The following GPD1 variants were observed in gnomAD, a reference collection of about 807,000 sequenced individuals.
GPD1 encodes the protein glycerol-3-phosphate dehydrogenase 1.
Under a neutral mutation model 34.4 loss-of-function variants are expected in GPD1, and 19 were observed. The ratio of observed to expected loss-of-function variants is 0.55; its 90% CI spans 0.39 to 0.81. The LOEUF (loss-of-function observed/expected upper bound fraction) is 0.81. GPD1 is among the 30% of genes least tolerant of loss of function. GPD1 has a pLI of 0.00. For synonymous variants in GPD1, 172 were observed against 174.1 expected, an observed-to-expected ratio of 0.99 and a Z score of 0.09; for missense variants, 429 against 447.0, an observed-to-expected ratio of 0.96 and a Z score of 0.36.
In GPD1 at chr12:50,106,432, AG is replaced by A. The variant is rs751900824; in HGVS notation, c.499+7del. On this transcript the variant is annotated splice_region_variant and intron_variant, in intron 4 of 7. Transcript: ENST00000301149. ...GTTCTGTGAGACAACCATTGGTGAGAGCCCCCTGGCACCTGCATACACAGTG... is the reference window on the plus strand; with the variant it reads ...GTTCTGTGAGACAACCATTGGTGAGACCCCCTGGCACCTGCATACACAGTG... The A allele has an allele frequency of 8.7e-6, 14 of 1,613,018 alleles. No homozygotes were observed. In the Admixed American group the frequency reaches 2.2e-4, roughly 25 times the overall value.
In GPD1 at chr12:50,105,544, A is replaced by C; in HGVS notation, c.220-4A>C. 6.2e-7 allele frequency: 1 copy of C among 1,610,994 alleles called. No homozygotes were observed. The highest frequency in any genetic ancestry group is 8.5e-7 in the Non-Finnish European group (1 of 1,177,788). Reference sequence around the variant, plus strand: ...GGCCCGCGAGCACTTGGTCACCCCCACAGGTGGCTGTCCCAGATGTGGTCC... The same window carrying C: ...GGCCCGCGAGCACTTGGTCACCCCCCCAGGTGGCTGTCCCAGATGTGGTCC... On this transcript the variant is annotated splice_region_variant and splice_polypyrimidine_tract_variant and intron_variant, in intron 2 of 7. Coordinates refer to ENST00000301149, the MANE Select transcript of GPD1 (RefSeq NM_005276.4).
Position 50,107,778 on chromosome 12 carries a change from A to C in GPD1, c.824A>C (p.Glu275Ala). 1 of 1,613,518 alleles carries C rather than the reference A, an allele frequency of 6.2e-7. No homozygotes were observed. Among genetic ancestry groups the C allele is most frequent in the Non-Finnish European group, 8.5e-7 (1 of 1,179,460 alleles). Reference protein sequence around the residue: ...CYGGRNRKVAEAFARTGKSIE... With the variant: ...CYGGRNRKVAAAFARTGKSIE... ...GGAGGGCGGAACCGGAAAGTGGCTG[A>C]GGCCTTTGCGCGTACAGGAAAGGTG... The change falls in exon 6 of 8, where the codon GAG becomes GCG. Residue 275 changes from glutamate (E) to alanine (A), a missense_variant. Glu to Ala is a moderately radical substitution (Grantham distance 107, BLOSUM62 -1). Coordinates refer to ENST00000301149, the MANE Select transcript of GPD1 (RefSeq NM_005276.4).
At chr12:50,108,924 C>G (rs1455613864) in intron 7 of GPD1, among the ~76,000 whole-genome samples, 1 of 152,002 alleles carries the variant, frequency 6.6e-6, no homozygotes, top group Non-Finnish European at 1.5e-5. Flanking sequence ...ATCACGAGGT[C>G]AGGAGTTTGA....
chr12:50,108,162 G>A, intron 7 of GPD1, 32 bp downstream of exon 7: 1 of 1,245,658 alleles, frequency 8.0e-7, no homozygotes, highest in Non-Finnish European at 1.2e-6. Context: ...ACTGATTAAG[G>A]GAGCCACAGC....
rs990399264 is a variant in GPD1, at chr12:50,110,702, C to T, written c.*1183C>T. ...TCTCTTTGCTGAATGAGGGCCTTCTCGTGAGGTACTGACAACACCAGCAAC... is the reference window on the plus strand; with the variant it reads ...TCTCTTTGCTGAATGAGGGCCTTCTTGTGAGGTACTGACAACACCAGCAAC... On this transcript the variant is annotated 3_prime_UTR_variant, in exon 8 of 8. Transcript: ENST00000301149. 3.3e-5 allele frequency: 5 copies of T among 152,610 alleles called. No homozygotes were observed. The highest frequency in any genetic ancestry group is 4.8e-5 in the African/African-American group (2 of 41,450). The allele number at this position is 152,610 out of a possible 1,614,324, so 9.5% of individuals were successfully genotyped here.
At chr12:50,105,925 A>G (rs754827890) in intron 3 of GPD1, 1 of 689,522 alleles carries the variant, frequency 1.5e-6, no homozygotes, top group South Asian at 1.5e-5. Context: ...GGAGTTTCGG[A>G]GGTATAAAGG....
chr12:50,104,647 TG>T lies in GPD1; in HGVS notation c.118del (p.Val40TyrfsTer11). ...LAQFDPRVTM[W>X]VFEEDIGGKK... ...ACAGTTTGACCCACGGGTGACCATG[TG>T]GGTATTTGAGGAAGACATTGGAGGC... On this transcript the variant is annotated frameshift_variant, in exon 2 of 8. Coordinates refer to ENST00000301149, the MANE Select transcript of GPD1 (RefSeq NM_005276.4). LOFTEE classifies it high-confidence loss of function. 1.2e-6 allele frequency: 2 copies of T among 1,613,766 alleles called. No individual in the cohort carries two copies. The highest frequency in any genetic ancestry group is 1.7e-6 in the Non-Finnish European group (2 of 1,179,672).
At chr12:50,107,906 A>C in intron 6 of GPD1, 106 bp downstream of exon 6, 2 of 1,024,238 alleles carry the variant, frequency 2.0e-6, no homozygotes, top group South Asian at 2.6e-5. Flanking sequence ...ACTGTTGTGC[A>C]CATCCCCATC....
chr12:50,109,362 G>T, intron 7 of GPD1, 61 bp from the exon 8 acceptor site: 5 of 852,992 alleles, frequency 5.9e-6, no homozygotes, highest in Middle Eastern at 2.2e-4. Context: ...AGTGAGTGGG[G>T]GTGGGGGTAG....
Position 50,106,344 on chromosome 12 carries a change from C to A in GPD1, c.417C>A (p.Arg139=). The change falls in exon 4 of 8, where the codon CGC becomes CGA. Residue 139 remains arginine (R), a synonymous_variant. Transcript: ENST00000301149. ...LKLISEVIGE[R]LGIPMSVLMG... The stretch of plus-strand genomic sequence containing the variant: ...TCATCTCGGAAGTGATTGGGGAGCG[C>A]CTCGGCATCCCCATGAGTGTGCTGA... The A allele has an allele frequency of 6.2e-7, 1 of 1,613,534 alleles. No individual in the cohort carries two copies. Among genetic ancestry groups the A allele is most frequent in the Non-Finnish European group, 8.5e-7 (1 of 1,179,746 alleles).
chr12:50,104,384 T>C (rs1479627000), intron 1 of GPD1, 190 bp from the exon 2 acceptor site: 1 of 710,962 alleles, frequency 1.4e-6, no homozygotes, highest in African/African-American at 1.7e-5. Context: ...TAGCAAAGGG[T>C]GAGGAGACTG....
In GPD1 at chr12:50,104,061, A is replaced by T. The variant is rs748647193; in HGVS notation, c.11A>T (p.Lys4Met). The change falls in exon 1 of 8, where the codon AAG becomes ATG. Residue 4 changes from lysine (K) to methionine (M), a missense_variant. Physicochemically the swap from Lys to Met is moderately conservative, Grantham distance 95. Transcript: ENST00000301149. ...CAGAGACGCGGCACCATGGCTAGCAAGAAAGTCTGCATTGTAGGCTCCGGG... is the reference window on the plus strand; with the variant it reads ...CAGAGACGCGGCACCATGGCTAGCATGAAAGTCTGCATTGTAGGCTCCGGG... MASKKVCIVGSGNW... is the reference protein window; with the variant it reads MASMKVCIVGSGNW... The T allele has an allele frequency of 1.2e-6, 2 of 1,614,020 alleles. No individual in the cohort carries two copies. The highest frequency in any genetic ancestry group is 2.7e-5 in the African/African-American group (2 of 74,920).
At chr12:50,106,758 T>C in intron 4 of GPD1, 47 bp from the exon 5 acceptor site, 1 of 1,093,388 alleles carries the variant, frequency 9.1e-7, no homozygotes, top group Admixed American at 2.3e-5. Context: ...ATAAATATTT[T>C]TTAAAAAGAG....
At chr12:50,107,872 C>A (rs1950993712) in intron 6 of GPD1, 72 bp downstream of exon 6, 1 of 1,183,320 alleles carries the variant, frequency 8.5e-7, no homozygotes, top group Non-Finnish European at 1.3e-6. Flanking sequence ...TGGCGGGAGG[C>A]ATCTCTGGAG....
chr12:50,105,800 T>C, intron 3 of GPD1, 112 bp downstream of exon 3: 2 of 1,117,718 alleles, frequency 1.8e-6, no homozygotes, highest in Non-Finnish European at 1.3e-6. Context: ...AAGAGTTTGC[T>C]GGAGAAAAGA....
At chr12:50,107,164 C>G (rs371035841) in intron 5 of GPD1, 1 of 671,870 alleles carries the variant, frequency 1.5e-6, no homozygotes, top group Admixed American at 2.0e-5. Context: ...GTGGGACTCC[C>G]CACCCTCTGG....
At chr12:50,104,188 G>T in intron 1 of GPD1, 97 bp downstream of exon 1, 2 of 1,132,678 alleles carry the variant, frequency 1.8e-6, no homozygotes, top group Non-Finnish European at 2.7e-6. Flanking sequence ...TCAGGTTCCT[G>T]TTCAGCCCCT....
intron 2 of GPD1, chr12:50,105,235 CTCTT>C (rs1950969928): frequency 2.7e-6 from 1 of 367,174 alleles, no homozygotes; most frequent in African/African-American, 2.0e-5. Flanking sequence ...CTTATTTGAG[CTCTT>C]TCTTTTGCCA....
At position 50,105,678 on chromosome 12, in the gene GPD1, C is replaced by A; in HGVS notation, c.350C>A (p.Ser117Tyr). The A allele has an allele frequency of 6.2e-7, 1 of 1,614,098 alleles. No individual in the cohort carries two copies. The change falls in exon 3 of 8, where the codon TCT (serine) becomes TAT (tyrosine). Residue 117 changes from serine to tyrosine, a missense_variant. Ser to Tyr is a moderately radical substitution (Grantham distance 144, BLOSUM62 -2). Coordinates refer to ENST00000301149, the MANE Select transcript of GPD1 (RefSeq NM_005276.4). Reference protein sequence around the residue: ...GHLKANATGISLIKGVDEGPN... With the variant: ...GHLKANATGIYLIKGVDEGPN... ...CTGAAGGCAAACGCCACTGGCATAT[C>A]TCTTATTAAGGTGCCAGGGACACCT...
Sources: allele counts gnomAD v4.1 joint callset (sites outside exome capture counted in the v4.1 genomes callset), GRCh38; gene constraint gnomAD v4.1.1; transcripts MANE v1.5; gene names NCBI Gene and HGNC (gene_info 2026-07-23, HGNC 2026-07-21).